The following TRHDE variants were observed in gnomAD, a reference collection of about 807,000 sequenced individuals.
TRHDE encodes thyrotropin releasing hormone degrading enzyme.
A neutral mutation model predicts 125.7 loss-of-function variants in TRHDE; 72 were observed. That is an observed-to-expected ratio of 0.57 (90% confidence interval 0.47 to 0.70). The LOEUF (loss-of-function observed/expected upper bound fraction) is 0.70, where lower values mean the gene tolerates loss of function less well. Ranked by LOEUF, TRHDE falls within the 30% of genes least tolerant of loss-of-function variation. TRHDE has a pLI of 0.00. For synonymous variants in TRHDE, 509 were observed against 509.1 expected (o/e 1.00, Z 0.00); for missense variants, 1,110 against 1,327.1 (o/e 0.84, Z 2.54).
chr12:72,491,865 C>T (rs1877699933), intron 5 of TRHDE, among the ~76,000 whole-genome samples: 1 of 151,912 alleles, frequency 6.6e-6, no homozygotes, highest in South Asian at 2.1e-4. Flanking sequence ...CACATTATTT[C>T]AGTTACTTGT....
upstream of TRHDE, chr12:72,272,266 C>T (rs1222983413): frequency 8.2e-6 from 3 of 366,562 alleles, no homozygotes; most frequent in East Asian, 2.2e-4. The surrounding 1 kb of genome is among the most constrained non-coding windows in gnomAD (Gnocchi z 6.7). Flanking sequence ...TTGGAAGGCT[C>T]CCGCGGAAAG....
At chr12:72,374,329 G>A (rs1277712476) in intron 2 of TRHDE, among the ~76,000 whole-genome samples, 3 of 149,346 alleles carry the variant, frequency 2.0e-5, no homozygotes, top group Non-Finnish European at 4.4e-5. Context: ...GTGTGTGTGT[G>A]TGTGATATCA....
intron 12 of TRHDE, among the ~76,000 whole-genome samples, chr12:72,588,551 A>T (rs547743414): frequency 2.6e-4 from 40 of 152,282 alleles, no homozygotes; most frequent in African/African-American, 8.9e-4. Context: ...TAAAAGGTAA[A>T]GCATATGGGA....
intron 3 of TRHDE, among the ~76,000 whole-genome samples, chr12:72,453,719 C>G (rs1875695114): frequency 6.6e-6 from 1 of 152,200 alleles, no homozygotes; most frequent in Admixed American, 6.5e-5. Flanking sequence ...CTTCCTGAGC[C>G]AGGCTCAGAG....
At chr12:72,232,223 C>T (rs947236883) in intron 2 of TRHDE, among the ~76,000 whole-genome samples, 1 of 152,190 alleles carries the variant, frequency 6.6e-6, no homozygotes, top group African/African-American at 2.4e-5. Context: ...AGAGACTTTA[C>T]TGTGCTTCTC....
chr12:72,250,385 A>G (rs1292862552), intron 2 of TRHDE, among the ~76,000 whole-genome samples: 1 of 152,196 alleles, frequency 6.6e-6, no homozygotes, highest in Non-Finnish European at 1.5e-5. Context: ...AACACTACGA[A>G]AAGCTGCTGA....
intron 2 of TRHDE, among the ~76,000 whole-genome samples, chr12:72,195,880 A>T (rs891387662): frequency 6.6e-6 from 1 of 151,952 alleles, no homozygotes; most frequent in Non-Finnish European, 1.5e-5. Context: ...ATCTTTAATC[A>T]ATCTTGAGTT....
chr12:72,173,125 G>A lies in TRHDE; in HGVS notation n.279+67373G>A, dbSNP rs1237635379. Reference sequence around the variant, plus strand: ...AATTATTTTAACTACATCTTTCATTGTTTCTATAATGCCCAAATAATAAAA... The same window carrying A: ...AATTATTTTAACTACATCTTTCATTATTTCTATAATGCCCAAATAATAAAA... On this transcript the variant is annotated intron_variant and non_coding_transcript_variant, in intron 2 of 4. Transcript: ENST00000548156. 6.6e-5 allele frequency among the ~76,000 whole-genome samples: 10 copies of A among 151,980 alleles called. No homozygotes were observed. The South Asian group carries it at 2.1e-3, about 32-fold the overall frequency.
chr12:72,237,156 G>A (rs754558962), intron 2 of TRHDE, among the ~76,000 whole-genome samples: 10 of 152,106 alleles, frequency 6.6e-5, no homozygotes, highest in Non-Finnish European at 2.9e-5. Context: ...ATCAGCTTGT[G>A]AGATATTATC....
intron 2 of TRHDE, among the ~76,000 whole-genome samples, chr12:72,203,709 AGAG>A: frequency 6.6e-6 from 1 of 152,168 alleles, no homozygotes; most frequent in Admixed American, 6.5e-5. Context: ...GAGCTCAGGA[AGAG>A]TTAAAGTCAA....
chr12:72,642,950 A>ATGTT (rs1312494674), intron 15 of TRHDE, among the ~76,000 whole-genome samples: 1 of 152,204 alleles, frequency 6.6e-6, no homozygotes, highest in African/African-American at 2.4e-5. Flanking sequence ...TTTTGCTGAA[A>ATGTT]TGTTATTAGA....
Position 72,487,160 on chromosome 12 carries a change from A to G in TRHDE, c.1585-12338A>G, listed in dbSNP as rs149211495. ...CAATGGGATTTATAGGACACCATTA[A>G]GTAAAGAAATATTCATATTATGCAA... On this transcript the variant is annotated intron_variant, in intron 5 of 18. Coordinates refer to ENST00000261180, the MANE Select transcript of TRHDE (RefSeq NM_013381.3). 3.5e-4 allele frequency among the ~76,000 whole-genome samples: 54 copies of G among 152,250 alleles called. 1 individual carries two copies. The highest frequency in any genetic ancestry group is 1.3e-3 in the African/African-American group (54 of 41,568).
intron 3 of TRHDE, among the ~76,000 whole-genome samples, chr12:72,449,766 T>A (rs1183765097): frequency 6.6e-6 from 1 of 152,036 alleles, no homozygotes; most frequent in Non-Finnish European, 1.5e-5. Flanking sequence ...GGGAAGGAAC[T>A]TTTGTTATTA....
chr12:72,639,989 C>A (rs1471632567), intron 15 of TRHDE, among the ~76,000 whole-genome samples: 2 of 151,980 alleles, frequency 1.3e-5, no homozygotes, highest in Non-Finnish European at 2.9e-5. Flanking sequence ...GAGGTGGAGC[C>A]TACAGAGGCA....
chr12:72,123,007 C>G (rs1875628378), intron 2 of TRHDE, among the ~76,000 whole-genome samples: 1 of 152,096 alleles, frequency 6.6e-6, no homozygotes, highest in South Asian at 2.1e-4. Flanking sequence ...ATATTTAGTC[C>G]TAATCCCTGG....
At chr12:72,333,772 A>G (rs1869708575) in intron 2 of TRHDE, among the ~76,000 whole-genome samples, 1 of 152,200 alleles carries the variant, frequency 6.6e-6, no homozygotes, top group Non-Finnish European at 1.5e-5. Flanking sequence ...GTAAAGTGTT[A>G]TTTTGAACCT....
At chr12:72,510,559 C>G (rs957674212) in intron 6 of TRHDE, among the ~76,000 whole-genome samples, 2 of 152,032 alleles carry the variant, frequency 1.3e-5, no homozygotes, top group East Asian at 1.9e-4. Context: ...GGATTCACAT[C>G]TTATTGTTTC....
intron 3 of TRHDE, among the ~76,000 whole-genome samples, chr12:72,408,214 A>G (rs1251092498): frequency 6.6e-6 from 1 of 152,204 alleles, no homozygotes. Context: ...GATGAGGGCA[A>G]CATACTCATT....
At chr12:72,411,789 G>A (rs1338540128) in intron 3 of TRHDE, among the ~76,000 whole-genome samples, 3 of 152,068 alleles carry the variant, frequency 2.0e-5, no homozygotes, top group Non-Finnish European at 2.9e-5. Context: ...GGCAAGTTGA[G>A]GAAAAGAACA....
Sources: gnomAD v4.1 joint callset for allele counts (sites outside exome capture counted in the v4.1 genomes callset) on GRCh38, gnomAD v4.1.1 for gene constraint, Gnocchi (gnomAD v3.1) non-coding constraint, MANE v1.5 for transcripts, NCBI Gene and HGNC (gene_info 2026-07-23, HGNC 2026-07-21) for gene names.